The following DYM variants were observed in gnomAD, a reference collection of about 807,000 sequenced individuals.
DYM encodes the protein dymeclin.
In DYM, 78 loss-of-function variants were observed where a neutral mutation model predicts 93.1. The ratio of observed to expected loss-of-function variants is 0.84; its 90% confidence interval spans 0.70 to 1.01. The LOEUF is 1.01. DYM is among the 50% of genes least tolerant of loss of function. DYM has a pLI of 0.00. For synonymous variants in DYM, 321 were observed against 319.7 expected (o/e 1.00, Z -0.04); for missense variants, 789 against 845.0 (o/e 0.93, Z 0.82).
At chr18:49,279,362 TA>T (rs1555673916) in intron 10 of DYM, among the ~76,000 whole-genome samples, 1 of 152,178 alleles carries the variant, frequency 6.6e-6, no homozygotes, top group Non-Finnish European at 1.5e-5. Flanking sequence ...GACTGCAGAA[TA>T]AAAGAATTGA....
intron 14 of DYM, among the ~76,000 whole-genome samples, chr18:49,198,812 C>T (rs36154348): frequency 0.091 from 13,768 of 151,664 alleles, 817 homozygotes; most frequent in East Asian, 0.29. Context: ...TTGTGGAAGT[C>T]GGTGTGGCGA....
intron 16 of DYM, among the ~76,000 whole-genome samples, chr18:49,115,124 C>A (rs2081806378): frequency 1.3e-5 from 2 of 152,146 alleles, no homozygotes; most frequent in Admixed American, 6.5e-5. Flanking sequence ...ATGAAATATA[C>A]CTCATGGTTT....
chr18:49,393,052 G>A (rs866054713), intron 2 of DYM, among the ~76,000 whole-genome samples: 3 of 89,048 alleles, frequency 3.4e-5, no homozygotes, highest in Non-Finnish European at 5.1e-5. Context: ...GAGGAGGAGG[G>A]GAGGAGGGGA....
At chr18:49,239,068 A>T (rs562069375) in intron 13 of DYM, among the ~76,000 whole-genome samples, 5 of 152,340 alleles carry the variant, frequency 3.3e-5, no homozygotes, top group Non-Finnish European at 7.3e-5. Context: ...CTCAGTGGCC[A>T]GCAAGTGCAG....
At chr18:49,109,477 C>G (rs548793466) in intron 16 of DYM, among the ~76,000 whole-genome samples, 1 of 152,180 alleles carries the variant, frequency 6.6e-6, no homozygotes, top group African/African-American at 2.4e-5. Context: ...TACTACTTGA[C>G]ACTGTGAAGA....
chr18:49,355,801 T>TA (rs1243165111), intron 6 of DYM, among the ~76,000 whole-genome samples: 2 of 151,892 alleles, frequency 1.3e-5, no homozygotes, highest in African/African-American at 2.4e-5. Context: ...AAACTAAATG[T>TA]AAAAAAATAA....
intron 17 of DYM, among the ~76,000 whole-genome samples, chr18:49,072,426 T>A (rs958697882): frequency 6.6e-6 from 1 of 152,248 alleles, no homozygotes; most frequent in Admixed American, 6.5e-5. Flanking sequence ...TTGATATCTA[T>A]GAAAGTAGCC....
chr18:49,146,999 C>T lies in DYM; in HGVS notation c.1728+16686G>A, dbSNP rs1453454410. On this transcript the variant is annotated intron_variant, in intron 15 of 17. Transcript: ENST00000675505. ...CATGGTACTGGTACCAAAACAGAGACATAGACCAATGGAACAGAACAGAGC... is the reference window on the plus strand; with the variant it reads ...CATGGTACTGGTACCAAAACAGAGATATAGACCAATGGAACAGAACAGAGC... Among the ~76,000 whole-genome samples, 124 of 152,190 alleles carry T rather than the reference C, an allele frequency of 8.1e-4. 2 individuals are homozygous for T. The highest frequency in any genetic ancestry group is 2.8e-3 in the African/African-American group (115 of 41,544).
At chr18:49,317,062 C>T (rs1312912405) in intron 8 of DYM, among the ~76,000 whole-genome samples, 1 of 152,032 alleles carries the variant, frequency 6.6e-6, no homozygotes, top group African/African-American at 2.4e-5. Context: ...GGACTTTAGT[C>T]CAAAATAATG....
intron 14 of DYM, among the ~76,000 whole-genome samples, chr18:49,202,629 G>A (rs1421165221): frequency 2.6e-5 from 3 of 116,734 alleles, no homozygotes; most frequent in African/African-American, 1.0e-4. Context: ...GATGTGGGGA[G>A]CGCCTCTGCC....
intron 13 of DYM, among the ~76,000 whole-genome samples, chr18:49,219,310 C>T (rs534946602): frequency 1.2e-3 from 175 of 152,140 alleles, no homozygotes; most frequent in African/African-American, 3.9e-3. Flanking sequence ...GATTCACAGC[C>T]AAATTCTACC....
chr18:49,147,720 T>C (rs2085320443), intron 15 of DYM, among the ~76,000 whole-genome samples: 2 of 151,852 alleles, frequency 1.3e-5, no homozygotes, highest in Non-Finnish European at 2.9e-5. Flanking sequence ...TGTGGAGAAA[T>C]AGGAACACTT....
intron 15 of DYM, among the ~76,000 whole-genome samples, chr18:49,119,674 G>C (rs566455929): frequency 6.6e-6 from 1 of 152,230 alleles, no homozygotes; most frequent in South Asian, 2.1e-4. Context: ...GGATTTAAAA[G>C]GACAAAGGTT....
intron 8 of DYM, among the ~76,000 whole-genome samples, chr18:49,300,903 T>C (rs969683354): frequency 1.3e-5 from 2 of 152,110 alleles, no homozygotes; most frequent in Admixed American, 1.3e-4. Context: ...CAAGGAAAGA[T>C]AGAAAGAGTT....
intron 6 of DYM, among the ~76,000 whole-genome samples, chr18:49,348,923 C>G (rs1172867642): frequency 1.1e-5 from 1 of 91,718 alleles, no homozygotes; most frequent in African/African-American, 3.5e-5. Flanking sequence ...AAAAAAAAAA[C>G]CACACCAGAT....
intron 17 of DYM, among the ~76,000 whole-genome samples, chr18:49,056,782 C>T (rs747173625): frequency 1.7e-3 from 263 of 152,106 alleles, no homozygotes; most frequent in Non-Finnish European, 3.2e-3. Context: ...CTCCTGACCT[C>T]ATGATCCGCC....
At chr18:49,210,810 C>A (rs1414307942) in intron 13 of DYM, among the ~76,000 whole-genome samples, 1 of 152,136 alleles carries the variant, frequency 6.6e-6, no homozygotes, top group Non-Finnish European at 1.5e-5. Context: ...TCTATACTTT[C>A]TGATCACTTT....
intron 14 of DYM, among the ~76,000 whole-genome samples, chr18:49,171,194 T>C (rs950391679): frequency 2.6e-5 from 4 of 151,226 alleles, no homozygotes; most frequent in African/African-American, 4.9e-5. Context: ...AAGTTGAACA[T>C]TGCTGGGGAG....
chr18:49,335,600 C>A (rs547537863), intron 6 of DYM, among the ~76,000 whole-genome samples: 2 of 152,210 alleles, frequency 1.3e-5, no homozygotes, highest in South Asian at 4.2e-4. Context: ...GTGCTCAGAA[C>A]CCCCAAAAAT....
Sources: allele counts gnomAD v4.1 joint callset (sites outside exome capture counted in the v4.1 genomes callset), GRCh38; gene constraint gnomAD v4.1.1; transcripts MANE v1.5; gene names NCBI Gene and HGNC (gene_info 2026-07-23, HGNC 2026-07-21).